The following TNFRSF8 variants were observed in gnomAD, a reference collection of about 807,000 sequenced individuals.
TNFRSF8 encodes TNF receptor superfamily member 8, also known as tumor necrosis factor receptor superfamily member 8.
A neutral mutation model predicts 70.8 loss-of-function variants in TNFRSF8; 26 were observed. The observed-to-expected ratio is 0.37, with a 90% confidence interval of 0.27 to 0.51. TNFRSF8 has a LOEUF of 0.51. Among genes scored for constraint, TNFRSF8 ranks in the 20% least tolerant of loss-of-function variants. TNFRSF8 has a pLI of 0.94. For synonymous variants in TNFRSF8, 356 were observed against 339.2 expected (o/e 1.05, Z -0.54); for missense variants, 720 against 807.9 (o/e 0.89, Z 1.32).
chr1:12,066,823 T>C (rs144259642), intron 1 of TNFRSF8, among the ~76,000 whole-genome samples: 2,005 of 151,582 alleles, frequency 0.013, 43 homozygotes, highest in African/African-American at 0.047. Context: ...CAGCTAATTT[T>C]TGTATTTTTA....
intron 2 of TNFRSF8, among the ~76,000 whole-genome samples, chr1:12,094,976 G>A (rs900598095): frequency 6.6e-6 from 1 of 152,050 alleles, no homozygotes; most frequent in Admixed American, 6.5e-5. Context: ...GGGCAGAGGT[G>A]CTTACCCTGG....
Position 12,109,419 on chromosome 1 carries a change from G to A in TNFRSF8, c.422-147G>A, listed in dbSNP as rs112716979. The A allele has an allele frequency of 2.1e-5, 13 of 612,412 alleles. No homozygotes were observed. Among genetic ancestry groups the A allele is most frequent in the African/African-American group, 1.1e-4 (6 of 54,340 alleles). The allele number at this position is 612,412 out of a possible 1,614,324, so 37.9% of individuals were successfully genotyped here. The stretch of plus-strand genomic sequence containing the variant: ...AGGCTGCTTTACTCTGAAGGGGAAC[G>A]GGTGCCAGGCGGGTGCCACCTCCAG... On this transcript the variant is annotated intron_variant, in intron 4 of 14. Coordinates refer to ENST00000263932, the MANE Select transcript of TNFRSF8 (RefSeq NM_001243.5). The surrounding 1 kb of genome is among the most constrained non-coding windows in gnomAD (Gnocchi z 4.4).
intron 2 of TNFRSF8, among the ~76,000 whole-genome samples, chr1:12,094,630 T>TTTG (rs1641299417): frequency 1.4e-5 from 2 of 143,106 alleles, no homozygotes; most frequent in Admixed American, 6.7e-5. Context: ...TTTTTTTTTT[T>TTTG]GCTTTTTTTT....
In TNFRSF8 at chr1:12,143,777, G is replaced by C. The variant is rs1219582638; in HGVS notation, c.*1246G>C. Reference sequence around the variant, plus strand: ...AGGATGAGTCTTGGAGTTGCGGGCAGCCTGGAGACTCGTGGACTTACCGCC... The same window carrying C: ...AGGATGAGTCTTGGAGTTGCGGGCACCCTGGAGACTCGTGGACTTACCGCC... On this transcript the variant is annotated 3_prime_UTR_variant, in exon 15 of 15. Coordinates refer to ENST00000263932, the MANE Select transcript of TNFRSF8 (RefSeq NM_001243.5). The surrounding 1 kb of genome is among the most constrained non-coding windows in gnomAD (Gnocchi z 4.1). The C allele has an allele frequency of 6.6e-6, 1 of 152,258 alleles. No homozygotes were observed. The highest frequency in any genetic ancestry group is 1.5e-5 in the Non-Finnish European group (1 of 68,068). The allele number at this position is 152,258 out of a possible 1,614,324, so 9.4% of individuals were successfully genotyped here.
Position 12,113,557 on chromosome 1 carries a change from AAGAG to A in TNFRSF8, c.793+1549_793+1552del, listed in dbSNP as rs1471986144. 2.0e-5 allele frequency among the ~76,000 whole-genome samples: 3 copies of A among 149,502 alleles called. No individual in the cohort carries two copies. The highest frequency in any genetic ancestry group is 6.7e-5 in the Admixed American group (1 of 14,892). On this transcript the variant is annotated intron_variant, in intron 7 of 14. Coordinates refer to ENST00000263932, the MANE Select transcript of TNFRSF8 (RefSeq NM_001243.5). This position sits in a 1 kb window ranked among gnomAD's most constrained non-coding sequence, Gnocchi z 4.9. ...AGGGAGAGAAAGAGTGAGAGAGAGA[AAGAG>A]AGAGACAGAGAGAAAGAGACAGAAT...
chr1:12,123,192 C>T (rs946264864), intron 8 of TNFRSF8, 92 bp from the exon 9 acceptor site: 6 of 1,118,222 alleles, frequency 5.4e-6, no homozygotes, highest in Non-Finnish European at 3.8e-6. Flanking sequence ...GGTGTTGCCT[C>T]GCTGGAAGCC....
chr1:12,064,584 G>A (rs914841869), intron 1 of TNFRSF8, among the ~76,000 whole-genome samples: 2 of 152,148 alleles, frequency 1.3e-5, no homozygotes, highest in African/African-American at 2.4e-5. Context: ...GGAGAGGGAA[G>A]ACCCAGTTCC....
chr1:12,075,098 G>T (rs1274902996), intron 1 of TNFRSF8, among the ~76,000 whole-genome samples: 4 of 152,088 alleles, frequency 2.6e-5, no homozygotes, highest in Non-Finnish European at 1.5e-5. Flanking sequence ...ACAAAGCTTA[G>T]CCAGGTGTGG....
intron 1 of TNFRSF8, among the ~76,000 whole-genome samples, chr1:12,076,103 C>CTTTTTTT (rs146740361): frequency 1.0e-5 from 1 of 96,396 alleles, no homozygotes; most frequent in Non-Finnish European, 1.9e-5. Flanking sequence ...TTTTCTTTTT[C>CTTTTTTT]TTTTTTTTTT....
Position 12,075,765 on chromosome 1 carries a change from G to A in TNFRSF8, c.64-8699G>A, listed in dbSNP as rs149236353. Among the ~76,000 whole-genome samples the A allele has an allele frequency of 2.1e-3, 326 of 152,324 alleles. 2 individuals are homozygous for A. Among genetic ancestry groups the A allele is most frequent in the African/African-American group, 6.7e-3 (277 of 41,570 alleles). ...GTCACCATCTTGGACAAGCATCGCC[G>A]TTTTAAATTCTCCTTGATTAAAAAC... On this transcript the variant is annotated intron_variant, in intron 1 of 14. Coordinates refer to ENST00000263932, the MANE Select transcript of TNFRSF8 (RefSeq NM_001243.5).
chr1:12,123,818 C>A lies in TNFRSF8; in HGVS notation c.1144C>A (p.Leu382Met), dbSNP rs1360794400. 16 of 1,565,946 alleles carry A rather than the reference C, an allele frequency of 1.0e-5. No homozygotes were observed. The highest frequency in any genetic ancestry group is 1.4e-5 in the Non-Finnish European group (16 of 1,154,634). The change falls in exon 10 of 15, where the codon CTG (leucine) becomes ATG (methionine). Residue 382 changes from leucine (L) to methionine (M), a missense_variant. Leu to Met is a conservative substitution (Grantham distance 15). Transcript: ENST00000263932. ...VALSSTGKPV[L>M]DAGPVLFWVI... Reference sequence around the variant, plus strand: ...TCTCTCCTCCACGGGGAAGCCCGTTCTGGATGCAGGTAATGGTCCCAGCCC... The same window carrying A: ...TCTCTCCTCCACGGGGAAGCCCGTTATGGATGCAGGTAATGGTCCCAGCCC...
intron 13 of TNFRSF8, among the ~76,000 whole-genome samples, chr1:12,136,245 G>A (rs935410152): frequency 6.6e-6 from 1 of 152,124 alleles, no homozygotes; most frequent in South Asian, 2.1e-4. Flanking sequence ...TGTGACAAGT[G>A]GCTGTTACAA....
chr1:12,094,613 GT>G (rs1042247656), intron 2 of TNFRSF8, among the ~76,000 whole-genome samples: 206 of 119,624 alleles, frequency 1.7e-3, no homozygotes, highest in East Asian at 4.8e-3. Context: ...CATGAAGCTA[GT>G]TTTTTTTTTT....
At chr1:12,140,775 T>C (rs1642237406) in intron 14 of TNFRSF8, among the ~76,000 whole-genome samples, 1 of 152,142 alleles carries the variant, frequency 6.6e-6, no homozygotes, top group Non-Finnish European at 1.5e-5. Context: ...TGGCTCCTTC[T>C]CCCTAATCCA....
chr1:12,125,309 C>A lies in TNFRSF8; in HGVS notation c.1154-642C>A, dbSNP rs148554302. ...GGGGTTAAGAGCGTGGCCCTGCAGT[C>A]CCCCCGGCCTGGCCTGGCCTGGGCT... On this transcript the variant is annotated intron_variant, in intron 10 of 14. Coordinates refer to ENST00000263932, the MANE Select transcript of TNFRSF8 (RefSeq NM_001243.5). Among the ~76,000 whole-genome samples, 49 of 152,320 alleles carry A rather than the reference C, an allele frequency of 3.2e-4. 1 individual carries two copies. In the South Asian group the frequency reaches 7.9e-3, roughly 24 times the overall value.
At chr1:12,064,200 C>T (rs1640697934) in intron 1 of TNFRSF8, among the ~76,000 whole-genome samples, 1 of 152,168 alleles carries the variant, frequency 6.6e-6, no homozygotes, top group African/African-American at 2.4e-5. Context: ...ATTAGCTTCC[C>T]CAATCCGCGT....
Position 12,125,952 on chromosome 1 carries a change from G to A in TNFRSF8, c.1155G>A (p.Gly385=), listed in dbSNP as rs1197908503. The change falls in exon 11 of 15, where the codon GGG becomes GGA. Residue 385 remains glycine (G), a splice_region_variant and synonymous_variant. Coordinates refer to ENST00000263932, the MANE Select transcript of TNFRSF8 (RefSeq NM_001243.5). The part of the protein sequence containing the change: ...SSTGKPVLDA[G]PVLFWVILVL... ...GTGTGGGGCGTCTCTGTGTTCCAGGGCCAGTGCTCTTCTGGGTGATCCTGG... is the reference window on the plus strand; with the variant it reads ...GTGTGGGGCGTCTCTGTGTTCCAGGACCAGTGCTCTTCTGGGTGATCCTGG... The A allele has an allele frequency of 6.2e-7, 1 of 1,613,858 alleles. No homozygotes were observed. Among genetic ancestry groups the A allele is most frequent in the East Asian group, 2.2e-5 (1 of 44,880 alleles).
intron 3 of TNFRSF8, among the ~76,000 whole-genome samples, chr1:12,098,946 C>T (rs969365274): frequency 6.6e-6 from 1 of 152,274 alleles, no homozygotes; most frequent in African/African-American, 2.4e-5. Flanking sequence ...AACCATAAGT[C>T]CCTTGGCATG....
rs377323503 is a variant in TNFRSF8 at position 12,097,094 on chromosome 1, T to C, written c.152-7T>C. The C allele has an allele frequency of 1.9e-4, 300 of 1,612,494 alleles. 4 individuals are homozygous for C. In the South Asian group the frequency reaches 3.2e-3, roughly 17 times the overall value. ...CTGGCTTGGAGCTTCTCTGTTTCTT[T>C]TCCCAGGGCTGTTCCCGACACAGCA... is the stretch of plus-strand genomic sequence containing the variant. On this transcript the variant is annotated splice_region_variant and splice_polypyrimidine_tract_variant and intron_variant, in intron 2 of 14. Transcript: ENST00000263932.
Sources: allele counts gnomAD v4.1 joint callset (sites outside exome capture counted in the v4.1 genomes callset), GRCh38; gene constraint gnomAD v4.1.1; non-coding constraint Gnocchi (gnomAD v3.1); transcripts MANE v1.5; gene names NCBI Gene and HGNC (gene_info 2026-07-23, HGNC 2026-07-21).